Variants in UTS2B observed in about 807,000 individuals in gnomAD.
UTS2B encodes the protein urotensin-2B.
UTS2B carries 21 observed loss-of-function variants against 19.2 expected under a neutral mutation model. The observed-to-expected ratio is 1.09, with a 90% CI of 0.78 to 1.58. The LOEUF (loss-of-function observed/expected upper bound fraction) is 1.58. UTS2B is among the 40% of genes most tolerant of loss of function. The probability of loss-of-function intolerance (pLI) is 0.00; values close to 1 mark genes in which losing one functional copy is unlikely to be tolerated. For synonymous variants in UTS2B, 57 were observed against 50.2 expected, an observed-to-expected ratio of 1.14 and a Z score of -0.58; for missense variants, 138 against 130.3, an observed-to-expected ratio of 1.06 and a Z score of -0.29.
the UTS2B span, among the ~76,000 whole-genome samples, chr3:191,345,557 G>T: frequency 6.6e-6 from 1 of 152,080 alleles, no homozygotes; most frequent in Non-Finnish European, 1.5e-5. Flanking sequence ...CGCTGATAAT[G>T]ATGTAGATGG....
At chr3:191,317,005 C>T (rs999713697) in intron 2 of UTS2B, among the ~76,000 whole-genome samples, 1 of 152,380 alleles carries the variant, frequency 6.6e-6, no homozygotes, top group East Asian at 1.9e-4. Flanking sequence ...TCCCGCACTG[C>T]GTGCCTGCAC....
chr3:191,345,912 ATGC>A, the UTS2B span, among the ~76,000 whole-genome samples: 3 of 152,202 alleles, frequency 2.0e-5, no homozygotes, highest in Non-Finnish European at 2.9e-5. Flanking sequence ...ACTGTTGATG[ATGC>A]TATTATATAA....
chr3:191,319,184 A>T (rs1474632290), intron 2 of UTS2B, among the ~76,000 whole-genome samples: 3 of 152,132 alleles, frequency 2.0e-5, no homozygotes, highest in Non-Finnish European at 4.4e-5. Context: ...CTATCCCTAG[A>T]TATGCAAACT....
chr3:191,301,474 T>G (rs572392647), intron 4 of UTS2B, among the ~76,000 whole-genome samples: 1 of 144,946 alleles, frequency 6.9e-6, no homozygotes, highest in African/African-American at 2.5e-5. Flanking sequence ...ATTAACTAAA[T>G]TTTTGGTAAT....
At chr3:191,313,052 T>C (rs1212783537) in intron 3 of UTS2B, among the ~76,000 whole-genome samples, 1 of 151,624 alleles carries the variant, frequency 6.6e-6, no homozygotes. Context: ...TCTCACTCTG[T>C]CAGGCTGGAG....
chr3:191,345,931 T>C, the UTS2B span, among the ~76,000 whole-genome samples: 2 of 152,246 alleles, frequency 1.3e-5, no homozygotes, highest in African/African-American at 4.8e-5. Context: ...TATAATATAG[T>C]GCTCCCTATT....
At chr3:191,332,613 G>C (rs193003703), upstream of UTS2B, among the ~76,000 whole-genome samples, 387 of 152,308 alleles carry the variant, frequency 2.5e-3, 3 homozygotes, top group Middle Eastern at 0.01. Flanking sequence ...GCGAATGTTA[G>C]GGAAAGGAAC....
At chr3:191,316,912 C>G (rs1717470302) in intron 2 of UTS2B, among the ~76,000 whole-genome samples, 1 of 151,538 alleles carries the variant, frequency 6.6e-6, no homozygotes, top group Admixed American at 6.5e-5. Context: ...TAAAAGTTCT[C>G]CAAGTCCCCA....
At chr3:191,325,500 G>T (rs1717722799) in intron 2 of UTS2B, among the ~76,000 whole-genome samples, 1 of 152,188 alleles carries the variant, frequency 6.6e-6, no homozygotes, top group African/African-American at 2.4e-5. Context: ...GGGGAATTTT[G>T]TGAGTAACTG....
chr3:191,327,228 G>C (rs1405520524), intron 2 of UTS2B, among the ~76,000 whole-genome samples: 1 of 152,222 alleles, frequency 6.6e-6, no homozygotes, highest in Non-Finnish European at 1.5e-5. Context: ...GGGCGTGGTG[G>C]CTCGTGCCTG....
intron 2 of UTS2B, among the ~76,000 whole-genome samples, chr3:191,327,917 G>A (rs781734674): frequency 6.6e-6 from 1 of 152,104 alleles, no homozygotes; most frequent in Non-Finnish European, 1.5e-5. Context: ...CATTTAACCT[G>A]CTGAGTGTTA....
intron 4 of UTS2B, among the ~76,000 whole-genome samples, chr3:191,292,198 A>C (rs1716739324): frequency 6.6e-6 from 1 of 151,788 alleles, no homozygotes; most frequent in South Asian, 2.1e-4. Context: ...AATTTGGAGA[A>C]TTTTTCCATC....
chr3:191,316,480 T>C (rs1490166057), intron 2 of UTS2B, 41 bp from the exon 3 acceptor site: 1 of 152,286 alleles, frequency 6.6e-6, no homozygotes, highest in East Asian at 1.9e-4. Context: ...AGTGTGAAAG[T>C]CACTCCAGCG....
At chr3:191,343,197 G>T in the UTS2B span, among the ~76,000 whole-genome samples, 1 of 152,286 alleles carries the variant, frequency 6.6e-6, no homozygotes, top group Non-Finnish European at 1.5e-5. Context: ...TCCCCCTCAC[G>T]TATACCCAGG....
At chr3:191,294,908 G>C (rs1006951734) in intron 4 of UTS2B, among the ~76,000 whole-genome samples, 1 of 151,734 alleles carries the variant, frequency 6.6e-6, no homozygotes, top group Non-Finnish European at 1.5e-5. Flanking sequence ...GCAGGCGCCT[G>C]TAGTCCCAGC....
At chr3:191,324,084 T>C (rs9830235) in intron 2 of UTS2B, among the ~76,000 whole-genome samples, 1 of 151,964 alleles carries the variant, frequency 6.6e-6, no homozygotes, top group African/African-American at 2.4e-5. Flanking sequence ...TATGAATGCA[T>C]TAATCCATTG....
intron 4 of UTS2B, among the ~76,000 whole-genome samples, chr3:191,284,554 C>T (rs999216392): frequency 1.3e-5 from 2 of 150,740 alleles, no homozygotes; most frequent in Non-Finnish European, 3.0e-5. Context: ...GAACTCCTGA[C>T]CTTATGATCC....
chr3:191,309,168 G>A (rs983795381), intron 3 of UTS2B, among the ~76,000 whole-genome samples: 1 of 151,904 alleles, frequency 6.6e-6, no homozygotes, highest in Non-Finnish European at 1.5e-5. Flanking sequence ...TTCTTGTTTT[G>A]TTTGTTTTTT....
chr3:191,344,946 C>G, the UTS2B span, among the ~76,000 whole-genome samples: 1 of 152,184 alleles, frequency 6.6e-6, no homozygotes, highest in Non-Finnish European at 1.5e-5. Flanking sequence ...CTCAAATCCT[C>G]ACATCCTCAA....
Sources: gnomAD v4.1 joint callset for allele counts (sites outside exome capture counted in the v4.1 genomes callset) on GRCh38, gnomAD v4.1.1 for gene constraint, MANE v1.5 for transcripts, NCBI Gene and HGNC (gene_info 2026-07-23, HGNC 2026-07-21) for gene names.